The following ATP9B variants were observed in gnomAD, a reference collection of about 807,000 sequenced individuals.
ATP9B encodes the protein ATPase phospholipid transporting 9B.
In ATP9B, 110 loss-of-function variants were observed where a neutral mutation model predicts 146.1. The ratio of observed to expected loss-of-function variants is 0.75; its 90% confidence interval spans 0.65 to 0.88. The LOEUF (loss-of-function observed/expected upper bound fraction) is 0.88, where lower values mean the gene tolerates loss of function less well. Among genes scored for constraint, ATP9B ranks in the 40% least tolerant of loss-of-function variants. ATP9B has a pLI of 0.00. For synonymous variants in ATP9B, 604 were observed against 569.7 expected, an observed-to-expected ratio of 1.06 and a Z score of -0.86; for missense variants, 1,499 against 1,496.4, an observed-to-expected ratio of 1.00 and a Z score of -0.03.
intron 9 of ATP9B, among the ~76,000 whole-genome samples, chr18:79,201,075 A>G (rs887773485): frequency 6.6e-6 from 1 of 152,202 alleles, no homozygotes; most frequent in African/African-American, 2.4e-5. Context: ...TGCCACTCAA[A>G]GAGAGAAACT....
chr18:79,329,401 A>T, intron 16 of ATP9B, 99 bp downstream of exon 16: 1 of 1,321,218 alleles, frequency 7.6e-7, no homozygotes, highest in Non-Finnish European at 1.0e-6. Flanking sequence ...ACATTTACTC[A>T]GGTGCTTTAT....
chr18:79,328,989 A>G lies in ATP9B; in HGVS notation c.1774-152A>G, dbSNP rs901499328. 44 of 651,724 alleles carry G rather than the reference A, an allele frequency of 6.8e-5. 1 individual carries two copies. The South Asian group carries it at 1.5e-3, about 22-fold the overall frequency. 40.4% of individuals were successfully genotyped at this position (651,724 alleles called of 1,614,324 possible). A position where few individuals can be genotyped will look rare whatever the true frequency, so the allele number is the denominator to read the frequency against. ...CTAGAACAATGTTATTCAAACGTAT[A>G]TACTTAGCCGTGAAAACAAAAAGTT... On this transcript the variant is annotated intron_variant, in intron 15 of 29. Transcript: ENST00000426216.
chr18:79,377,042 A>G (rs189851383), intron 29 of ATP9B, among the ~76,000 whole-genome samples: 4 of 152,348 alleles, frequency 2.6e-5, no homozygotes, highest in Admixed American at 1.3e-4. Context: ...CATTAAAAGA[A>G]GAATGAATTA....
At chr18:79,208,232 G>A (rs1046197475) in intron 10 of ATP9B, among the ~76,000 whole-genome samples, 8 of 152,200 alleles carry the variant, frequency 5.3e-5, no homozygotes, top group Admixed American at 1.3e-4. Context: ...GCGACAGAGC[G>A]AGATGCCATC....
At chr18:79,288,188 C>T (rs1346604795) in intron 13 of ATP9B, among the ~76,000 whole-genome samples, 16 of 150,344 alleles carry the variant, frequency 1.1e-4, no homozygotes, top group Non-Finnish European at 1.5e-4. Context: ...CTTTCTGTCT[C>T]GTTGATCTGT....
At chr18:79,155,384 G>A (rs1335124026) in intron 7 of ATP9B, among the ~76,000 whole-genome samples, 1 of 152,118 alleles carries the variant, frequency 6.6e-6, no homozygotes, top group Non-Finnish European at 1.5e-5. Context: ...GCCTAGTGTC[G>A]CCAAATAGAA....
At position 79,336,576 on chromosome 18, in the gene ATP9B, G is replaced by A. The variant is rs1337563861; in HGVS notation, c.2029-52G>A. On this transcript the variant is annotated intron_variant, in intron 17 of 29. Transcript: ENST00000426216. ...GTGGCACTGCCCTGGCCCCACACAC[G>A]GCCACAGGGGCTCTGCAGGGCCCAC... 13 of 1,560,592 alleles carry A rather than the reference G, an allele frequency of 8.3e-6. 1 individual carries two copies. Among genetic ancestry groups the A allele is most frequent in the South Asian group, 3.4e-5 (3 of 88,234 alleles).
intron 7 of ATP9B, among the ~76,000 whole-genome samples, chr18:79,168,362 T>TTTTG (rs58935339): frequency 0.068 from 10,088 of 147,304 alleles, 406 homozygotes; most frequent in Non-Finnish European, 0.096. Context: ...CCCAAATAAG[T>TTTTG]TTTGTTTTTG....
chr18:79,148,512 T>C (rs546143471), intron 6 of ATP9B, among the ~76,000 whole-genome samples: 1 of 152,228 alleles, frequency 6.6e-6, no homozygotes, highest in Non-Finnish European at 1.5e-5. Context: ...AATCAGTTGT[T>C]GCAGGAAGAC....
chr18:79,139,666 C>T (rs910661156), intron 5 of ATP9B, among the ~76,000 whole-genome samples: 1 of 152,166 alleles, frequency 6.6e-6, no homozygotes, highest in Non-Finnish European at 1.5e-5. Context: ...AGCAGGTATC[C>T]TTTGTGTTAC....
intron 1 of ATP9B, among the ~76,000 whole-genome samples, chr18:79,077,353 A>G (rs562925859): frequency 2.6e-5 from 4 of 152,254 alleles, no homozygotes; most frequent in Admixed American, 6.5e-5. Flanking sequence ...TGGGAAGGGA[A>G]GGTACCATGT....
chr18:79,237,396 G>A (rs1254993467), intron 11 of ATP9B, among the ~76,000 whole-genome samples: 3 of 151,902 alleles, frequency 2.0e-5, no homozygotes, highest in Non-Finnish European at 4.4e-5. Context: ...CTGTGTACAC[G>A]GTCTGTGCAT....
At chr18:79,316,341 G>T (rs755169202) in intron 15 of ATP9B, among the ~76,000 whole-genome samples, 1 of 152,134 alleles carries the variant, frequency 6.6e-6, no homozygotes, top group Non-Finnish European at 1.5e-5. Flanking sequence ...TCCACCCGCC[G>T]CCTGAATGTG....
intron 7 of ATP9B, among the ~76,000 whole-genome samples, chr18:79,162,557 A>G (rs2094899395): frequency 1.3e-5 from 2 of 152,208 alleles, no homozygotes; most frequent in South Asian, 4.1e-4. Context: ...GACATATTAT[A>G]GTACCTCAGC....
intron 15 of ATP9B, among the ~76,000 whole-genome samples, chr18:79,310,623 C>G (rs1442206246): frequency 3.9e-5 from 6 of 152,096 alleles, no homozygotes; most frequent in African/African-American, 1.4e-4. Context: ...TGACCGTGTC[C>G]TGACAAGGCA....
At chr18:79,070,106 G>C (rs4567807) in intron 1 of ATP9B, among the ~76,000 whole-genome samples, 66,656 of 152,016 alleles carry the variant, frequency 0.44, 16,298 homozygotes, top group Middle Eastern at 0.67. Context: ...GTTTAGTGGG[G>C]TCACAGGTTA....
chr18:79,074,071 C>A (rs772977341), intron 1 of ATP9B, among the ~76,000 whole-genome samples: 5 of 152,188 alleles, frequency 3.3e-5, no homozygotes, highest in Non-Finnish European at 7.3e-5. Context: ...AGGTCCTGGG[C>A]TACATTTGTG....
intron 15 of ATP9B, among the ~76,000 whole-genome samples, chr18:79,322,475 A>T (rs1186890377): frequency 6.6e-6 from 1 of 152,098 alleles, no homozygotes; most frequent in Non-Finnish European, 1.5e-5. Context: ...TCAGTAGGAG[A>T]GGGTTCTGAC....
At chr18:79,346,128 CCAGCGCACAGT>C (rs2096885333) in intron 23 of ATP9B, among the ~76,000 whole-genome samples, 1 of 146,552 alleles carries the variant, frequency 6.8e-6, no homozygotes, top group Non-Finnish European at 1.5e-5. Flanking sequence ...CAGCTTGTGC[CCAGCGCACAGT>C]CAGCACACAC....
Sources: gnomAD v4.1 joint callset for allele counts (sites outside exome capture counted in the v4.1 genomes callset) on GRCh38, gnomAD v4.1.1 for gene constraint, MANE v1.5 for transcripts, NCBI Gene and HGNC (gene_info 2026-07-23, HGNC 2026-07-21) for gene names.